RBFOX1: variants seen among roughly 807,000 people sequenced by gnomAD.
RBFOX1 encodes the protein RNA binding protein fox-1 homolog 1.
In RBFOX1, 8 loss-of-function variants were observed where a neutral mutation model predicts 57.7. The ratio of observed to expected loss-of-function variants is 0.14; its 90% confidence interval spans 0.08 to 0.25. The LOEUF is 0.25. Ranked by LOEUF, RBFOX1 falls within the 10% of genes least tolerant of loss-of-function variation. The pLI is 1.00. For missense variants in RBFOX1, 611 were observed against 548.5 expected (o/e 1.11, Z -1.14); for synonymous variants, 326 against 222.4 (o/e 1.47, Z -4.15).
intron 4 of RBFOX1, among the ~76,000 whole-genome samples, chr16:5,869,776 A>T (rs1283629489): frequency 2.6e-5 from 4 of 152,198 alleles, no homozygotes; most frequent in African/African-American, 9.7e-5. Context: ...TAGTTCCTAC[A>T]TAGGTGAAAT....
At chr16:6,706,712 T>TTTC (rs2062811283) in intron 3 of RBFOX1, among the ~76,000 whole-genome samples, 1 of 342 alleles carries the variant, frequency 2.9e-3, no homozygotes, top group African/African-American at 3.8e-3. Context: ...AGCTGCAGTC[T>TTTC]TTTTTTTTTT....
intron 2 of RBFOX1, among the ~76,000 whole-genome samples, chr16:5,501,437 C>T (rs912410736): frequency 2.0e-5 from 3 of 151,564 alleles, no homozygotes; most frequent in African/African-American, 4.9e-5. Flanking sequence ...GACGCCCTGT[C>T]GATCTAGTGG....
intron 15 of RBFOX1, chr16:7,710,021 A>G (rs1207259804): frequency 2.0e-6 from 2 of 1,007,458 alleles, no homozygotes; most frequent in Non-Finnish European, 2.4e-6. Context: ...TGTAGCCATT[A>G]AAACCATGGC....
chr16:6,600,272 T>C (rs2097835973), intron 2 of RBFOX1, among the ~76,000 whole-genome samples: 1 of 152,146 alleles, frequency 6.6e-6, no homozygotes, highest in African/African-American at 2.4e-5. Flanking sequence ...TTGTTCTCAG[T>C]CCTCCCCTAC....
intron 1 of RBFOX1, among the ~76,000 whole-genome samples, chr16:6,262,276 T>C (rs2097706115): frequency 6.6e-6 from 1 of 152,090 alleles, no homozygotes; most frequent in Non-Finnish European, 1.5e-5. Flanking sequence ...TCTTTAAGGG[T>C]ACTTCCTGGA....
At chr16:6,963,808 C>T (rs1167445250) in intron 3 of RBFOX1, among the ~76,000 whole-genome samples, 2 of 151,652 alleles carry the variant, frequency 1.3e-5, no homozygotes, top group African/African-American at 2.4e-5. Context: ...ATGCCATTCT[C>T]CTGCCTCAGC....
intron 1 of RBFOX1, among the ~76,000 whole-genome samples, chr16:5,273,360 G>A (rs2063062638): frequency 6.6e-6 from 1 of 151,980 alleles, no homozygotes; most frequent in South Asian, 2.1e-4. Context: ...CCTGCTATGT[G>A]CCAGGCATTG....
chr16:7,205,385 G>T (rs1368587936), intron 4 of RBFOX1, among the ~76,000 whole-genome samples: 1 of 151,896 alleles, frequency 6.6e-6, no homozygotes, highest in Non-Finnish European at 1.5e-5. Flanking sequence ...GGGTGTGGTG[G>T]TGCTCTCCTG....
chr16:5,866,567 T>A (rs181150431), intron 3 of RBFOX1, among the ~76,000 whole-genome samples: 3 of 152,330 alleles, frequency 2.0e-5, no homozygotes, highest in Admixed American at 6.5e-5. Context: ...TAGGCATAGA[T>A]GAACAATGTT....
At chr16:7,471,077 G>A (rs1171233855) in intron 4 of RBFOX1, among the ~76,000 whole-genome samples, 1 of 152,092 alleles carries the variant, frequency 6.6e-6, no homozygotes, top group Non-Finnish European at 1.5e-5. Flanking sequence ...AAATGAAAAT[G>A]TTCTTCCCAA....
At chr16:7,461,230 C>G (rs2059527967) in intron 4 of RBFOX1, among the ~76,000 whole-genome samples, 1 of 151,784 alleles carries the variant, frequency 6.6e-6, no homozygotes, top group African/African-American at 2.4e-5. Context: ...TGCAGTGGCA[C>G]TATCTCGGCT....
intron 4 of RBFOX1, among the ~76,000 whole-genome samples, chr16:7,336,975 T>C (rs7200150): frequency 0.88 from 134,606 of 152,210 alleles, 59,816 homozygotes; most frequent in East Asian, 0.99. Flanking sequence ...TCCTAGACCC[T>C]GCTGAGGGCT....
intron 1 of RBFOX1, among the ~76,000 whole-genome samples, chr16:5,255,354 C>CCA (rs1555468931): frequency 7.5e-4 from 65 of 86,254 alleles, no homozygotes; most frequent in Non-Finnish European, 1.4e-3. Context: ...CCATCCATCC[C>CCA]TCCATCCATC....
chr16:6,914,560 A>G (rs988402102), intron 3 of RBFOX1, among the ~76,000 whole-genome samples: 1 of 135,512 alleles, frequency 7.4e-6, no homozygotes, highest in Non-Finnish European at 1.6e-5. Context: ...AAGAAAACAA[A>G]AATAAAAAAA....
At chr16:6,247,904 GATGGCAGAACATTCCAAC>G (rs528828599) in intron 1 of RBFOX1, among the ~76,000 whole-genome samples, 199 of 152,306 alleles carry the variant, frequency 1.3e-3, no homozygotes, top group Admixed American at 2.5e-3. Flanking sequence ...CACTCTCCAA[GATGGCAGAACATTCCAAC>G]ACTGGTTAAT....
chr16:6,752,469 T>C (rs1245072084), intron 3 of RBFOX1, among the ~76,000 whole-genome samples: 3 of 152,204 alleles, frequency 2.0e-5, no homozygotes, highest in African/African-American at 7.2e-5. Context: ...GAATATGACA[T>C]GCTCTGTCGC....
rs2053944763 is a variant in RBFOX1 at position 5,770,574 on chromosome 16, T to C, written c.319-96729T>C. On this transcript the variant is annotated intron_variant, in intron 3 of 19. Transcript: ENST00000641259. ...ATCTGCCTATGGGGTAGCCCTGCTA[T>C]TTCTGTGGAGCAGCCATTTTCCTGT... is the stretch of plus-strand genomic sequence containing the variant. Among the ~76,000 whole-genome samples, 3 of 152,200 alleles carry C rather than the reference T, an allele frequency of 2.0e-5. No homozygotes were observed. The South Asian group carries it at 6.2e-4, about 32-fold the overall frequency.
At chr16:5,389,193 A>AAATT (rs913439674) in intron 1 of RBFOX1, among the ~76,000 whole-genome samples, 3 of 35,506 alleles carry the variant, frequency 8.4e-5, no homozygotes, top group Non-Finnish European at 1.3e-4. Context: ...TCCGTCTCAA[A>AAATT]AATAAATAAA....
intron 1 of RBFOX1, among the ~76,000 whole-genome samples, chr16:6,247,102 T>A (rs926039579): frequency 3.3e-5 from 5 of 152,164 alleles, no homozygotes; most frequent in African/African-American, 1.2e-4. Flanking sequence ...TTCTGACCAC[T>A]GTAGCATTGG....
Sources: allele counts gnomAD v4.1 joint callset (sites outside exome capture counted in the v4.1 genomes callset), GRCh38; gene constraint gnomAD v4.1.1; transcripts MANE v1.5; gene names NCBI Gene and HGNC (gene_info 2026-07-23, HGNC 2026-07-21).